MINDY2: variants seen among roughly 807,000 people sequenced by gnomAD.
MINDY2 encodes MINDY lysine 48 deubiquitinase 2, also known as ubiquitin carboxyl-terminal hydrolase MINDY-2.
In MINDY2, 52 loss-of-function variants were observed where a neutral mutation model predicts 68.2. That is an observed-to-expected ratio of 0.76 (90% confidence interval 0.61 to 0.96). MINDY2 has a LOEUF of 0.96. MINDY2 is among the 40% of genes least tolerant of loss of function. The pLI, the probability that MINDY2 is intolerant of heterozygous loss-of-function variation, is 0.00. For synonymous variants in MINDY2, 372 were observed against 303.0 expected, an observed-to-expected ratio of 1.23 and a Z score of -2.36; for missense variants, 881 against 773.4, an observed-to-expected ratio of 1.14 and a Z score of -1.65.
At chr15:58,811,840 CT>C (rs1490608941) in intron 4 of MINDY2, among the ~76,000 whole-genome samples, 2 of 152,282 alleles carry the variant, frequency 1.3e-5, no homozygotes, top group East Asian at 3.9e-4. Context: ...AATAATTCTA[CT>C]GTAACATACT....
intron 1 of MINDY2, among the ~76,000 whole-genome samples, chr15:58,772,821 G>A (rs1900529097): frequency 6.6e-6 from 1 of 152,152 alleles, no homozygotes; most frequent in African/African-American, 2.4e-5. Flanking sequence ...TTCATTTTAT[G>A]CATGATTTTT....
rs185701594 is a variant in MINDY2 at position 58,794,434 on chromosome 15, G to A, written c.898+6471G>A. Among the ~76,000 whole-genome samples, 3 of 151,044 alleles carry A rather than the reference G, an allele frequency of 2.0e-5. No individual in the cohort carries two copies. In the East Asian group the frequency reaches 5.8e-4, roughly 29 times the overall value. ...ATATTTTTGTTGGAGAAGAGGTCAA[G>A]GAACAGACAGGCAGGGTATTGGAAG... On this transcript the variant is annotated intron_variant, in intron 2 of 8. Coordinates refer to ENST00000559228, the MANE Select transcript of MINDY2 (RefSeq NM_001040450.3).
chr15:58,795,318 C>A (rs1205525102), intron 2 of MINDY2, among the ~76,000 whole-genome samples: 10 of 152,150 alleles, frequency 6.6e-5, no homozygotes, highest in African/African-American at 2.4e-4. Flanking sequence ...TTCGTTATTG[C>A]CATTCTGAGG....
chr15:58,854,190 G>A (rs1442465499), intron 8 of MINDY2, among the ~76,000 whole-genome samples: 1 of 150,074 alleles, frequency 6.7e-6, no homozygotes, highest in African/African-American at 2.5e-5. Context: ...GTTGCAGTGA[G>A]ACAAGATTGC....
intron 4 of MINDY2, among the ~76,000 whole-genome samples, chr15:58,811,026 C>G (rs1256743465): frequency 6.6e-6 from 1 of 152,204 alleles, no homozygotes; most frequent in Admixed American, 6.5e-5. Context: ...TCCCTGGAAG[C>G]TGAGCTGACA....
chr15:58,820,085 G>C (rs2030961626), intron 4 of MINDY2, among the ~76,000 whole-genome samples: 1 of 152,144 alleles, frequency 6.6e-6, no homozygotes, highest in African/African-American at 2.4e-5. Flanking sequence ...GGCCAACATA[G>C]TGAAACCGCA....
In MINDY2 at chr15:58,771,485, A is replaced by T; in HGVS notation, c.90A>T (p.Leu30=). ...ASGTGSSQEG[L]QETRLAAGDG... Reference sequence around the variant, plus strand: ...GGACAGGTTCTTCGCAGGAAGGGCTACAGGAGACCAGGCTCGCCGCTGGTG... The same window carrying T: ...GGACAGGTTCTTCGCAGGAAGGGCTTCAGGAGACCAGGCTCGCCGCTGGTG... The change falls in exon 1 of 9, where the codon CTA becomes CTT. Residue 30 remains leucine, a synonymous_variant. Coordinates refer to ENST00000559228, the MANE Select transcript of MINDY2 (RefSeq NM_001040450.3). 6.2e-7 allele frequency: 1 copy of T among 1,612,466 alleles called. No individual in the cohort carries two copies.
intron 6 of MINDY2, among the ~76,000 whole-genome samples, chr15:58,845,994 T>G (rs1375838567): frequency 2.6e-5 from 4 of 151,464 alleles, no homozygotes; most frequent in African/African-American, 9.7e-5. Flanking sequence ...GGCTAGAAAT[T>G]AAAACAATTG....
intron 2 of MINDY2, among the ~76,000 whole-genome samples, chr15:58,798,336 A>G (rs1236541525): frequency 6.7e-6 from 1 of 149,638 alleles, no homozygotes; most frequent in Non-Finnish European, 1.5e-5. Context: ...TATGTTGGCC[A>G]GGCTGATCTC....
chr15:58,805,164 C>T (rs1323531889), intron 3 of MINDY2, among the ~76,000 whole-genome samples: 1 of 152,134 alleles, frequency 6.6e-6, no homozygotes, highest in Non-Finnish European at 1.5e-5. Context: ...AAAAAGTACC[C>T]TGCTTTTAAA....
intron 4 of MINDY2, among the ~76,000 whole-genome samples, chr15:58,817,246 G>A (rs551724081): frequency 6.6e-6 from 1 of 152,216 alleles, no homozygotes; most frequent in East Asian, 1.9e-4. Flanking sequence ...GAAAGTAGGA[G>A]CTCCTACAGA....
At chr15:58,850,423 G>A (rs1047289454) in intron 7 of MINDY2, among the ~76,000 whole-genome samples, 2 of 152,170 alleles carry the variant, frequency 1.3e-5, no homozygotes, top group Non-Finnish European at 2.9e-5. Context: ...GTATGGGAAT[G>A]TAGAAAAATA....
intron 1 of MINDY2, among the ~76,000 whole-genome samples, chr15:58,786,808 A>G (rs1022139124): frequency 3.3e-5 from 5 of 152,040 alleles, no homozygotes; most frequent in African/African-American, 1.2e-4. Context: ...TTGATTTTTT[A>G]TAGCGTCCGT....
chr15:58,843,364 A>C (rs1595776133), intron 6 of MINDY2, among the ~76,000 whole-genome samples: 1 of 152,104 alleles, frequency 6.6e-6, no homozygotes, highest in African/African-American at 2.4e-5. Flanking sequence ...TTGGCCAGGC[A>C]GGTCTGAAAC....
At chr15:58,835,391 G>A (rs1437067777) in intron 6 of MINDY2, among the ~76,000 whole-genome samples, 2 of 152,104 alleles carry the variant, frequency 1.3e-5, no homozygotes, top group Non-Finnish European at 1.5e-5. Context: ...GGTGTCTCAC[G>A]CCTGTAATCC....
intron 5 of MINDY2, among the ~76,000 whole-genome samples, chr15:58,824,094 G>A (rs1426666115): frequency 6.6e-6 from 1 of 152,174 alleles, no homozygotes; most frequent in Non-Finnish European, 1.5e-5. Flanking sequence ...CTGACTTATG[G>A]AGTATGAAGC....
chr15:58,816,054 A>C (rs1201358378), intron 4 of MINDY2, among the ~76,000 whole-genome samples: 1 of 152,242 alleles, frequency 6.6e-6, no homozygotes, highest in East Asian at 1.9e-4. Flanking sequence ...TGGACTCAGC[A>C]TAGTATTTAG....
chr15:58,778,622 A>G (rs1360141484), intron 1 of MINDY2, among the ~76,000 whole-genome samples: 1 of 151,060 alleles, frequency 6.6e-6, no homozygotes, highest in African/African-American at 2.4e-5. Context: ...TCTAAGGGCT[A>G]ATTTCCTTTT....
chr15:58,824,980 C>G (rs191995583), intron 5 of MINDY2, among the ~76,000 whole-genome samples: 4 of 152,216 alleles, frequency 2.6e-5, no homozygotes, highest in Non-Finnish European at 1.5e-5. Context: ...CATCATATAT[C>G]ATATTATCTT....
Sources: allele counts gnomAD v4.1 joint callset (sites outside exome capture counted in the v4.1 genomes callset), GRCh38; gene constraint gnomAD v4.1.1; transcripts MANE v1.5; gene names NCBI Gene and HGNC (gene_info 2026-07-23, HGNC 2026-07-21).